The following CDH8 variants were observed in gnomAD, a reference collection of about 807,000 sequenced individuals.
CDH8 encodes cadherin-8.
Under a neutral mutation model 68.1 loss-of-function variants are expected in CDH8, and 17 were observed. The ratio of observed to expected loss-of-function variants is 0.25; its 90% CI spans 0.17 to 0.37. The LOEUF (loss-of-function observed/expected upper bound fraction) is 0.37, where lower values mean the gene tolerates loss of function less well. CDH8 is among the 10% of genes least tolerant of loss of function. The pLI is 1.00. For synonymous variants in CDH8, 372 were observed against 365.1 expected, an observed-to-expected ratio of 1.02 and a Z score of -0.21; for missense variants, 763 against 999.3, an observed-to-expected ratio of 0.76 and a Z score of 3.19.
At position 61,647,621 on chromosome 16, in the gene CDH8, G is replaced by T. The variant is rs959548568; in HGVS notation, c.*5987C>A. The T allele has an allele frequency of 7.2e-6, 4 of 558,008 alleles. No individual in the cohort carries two copies. The highest frequency in any genetic ancestry group is 6.4e-6 in the Non-Finnish European group (2 of 314,698). 34.6% of individuals were successfully genotyped at this position (558,008 alleles called of 1,614,324 possible). On this transcript the variant is annotated 3_prime_UTR_variant, in exon 12 of 12. Coordinates refer to ENST00000577390, the MANE Select transcript of CDH8 (RefSeq NM_001796.5). ...CCCAAGAAATTAACATTTGGCTTTG[G>T]GGGGTGATCCCAATGACTCCTAAAT...
At chr16:61,667,266 C>G (rs1175899105) in intron 10 of CDH8, 1 of 151,740 alleles carries the variant, frequency 6.6e-6, no homozygotes, top group East Asian at 1.9e-4. Flanking sequence ...TGTGGTATAT[C>G]TAGCCATAAA....
At chr16:61,849,524 C>G (rs1263542888) in intron 4 of CDH8, among the ~76,000 whole-genome samples, 2 of 152,114 alleles carry the variant, frequency 1.3e-5, no homozygotes, top group Admixed American at 1.3e-4. Context: ...CTCTCCACTC[C>G]TGGCTTCCCA....
chr16:61,702,434 G>C (rs7192376), intron 10 of CDH8, among the ~76,000 whole-genome samples: 93,806 of 152,040 alleles, frequency 0.62, 30,375 homozygotes, highest in African/African-American at 0.82. Context: ...TTCTTAATGA[G>C]TCAGTGTCAT....
chr16:61,856,691 T>C (rs959194129), intron 4 of CDH8, among the ~76,000 whole-genome samples: 1 of 152,158 alleles, frequency 6.6e-6, no homozygotes. Flanking sequence ...GTGTGTTTGG[T>C]ATTTATTGTT....
intron 8 of CDH8, 131 bp downstream of exon 8, chr16:61,789,215 T>C: frequency 1.4e-6 from 1 of 721,464 alleles, no homozygotes; most frequent in Non-Finnish European, 2.2e-6. Context: ...ATTCAAAGGC[T>C]CCTTGGGAAC....
chr16:61,690,505 C>T (rs913769057), intron 10 of CDH8, among the ~76,000 whole-genome samples: 1 of 152,002 alleles, frequency 6.6e-6, no homozygotes, highest in Non-Finnish European at 1.5e-5. Flanking sequence ...ATGATAAGAT[C>T]TTCAGGGTTT....
intron 3 of CDH8, among the ~76,000 whole-genome samples, chr16:61,861,132 G>A (rs1000117476): frequency 6.6e-6 from 1 of 152,132 alleles, no homozygotes; most frequent in African/African-American, 2.4e-5. Context: ...CTGAAAAACA[G>A]ACCCCTAATG....
chr16:61,682,553 C>T (rs1291464394), intron 10 of CDH8, among the ~76,000 whole-genome samples: 1 of 151,734 alleles, frequency 6.6e-6, no homozygotes, highest in Non-Finnish European at 1.5e-5. Flanking sequence ...ATTAGTATTC[C>T]CTCTTATAGT....
chr16:61,730,712 T>C (rs981487583), intron 8 of CDH8, among the ~76,000 whole-genome samples: 2 of 151,640 alleles, frequency 1.3e-5, no homozygotes, highest in Non-Finnish European at 3.0e-5. Flanking sequence ...TATCTATTTC[T>C]TTAGAAAAGT....
chr16:61,831,970 G>A (rs1223402147), intron 4 of CDH8, among the ~76,000 whole-genome samples: 4 of 151,698 alleles, frequency 2.6e-5, no homozygotes, highest in Non-Finnish European at 4.4e-5. Context: ...TTTTACTTAT[G>A]AGGTTAAGTG....
intron 10 of CDH8, among the ~76,000 whole-genome samples, chr16:61,706,620 C>CAAAAAAAAAAAAAAAAAAAAAAA (rs781148249): frequency 8.3e-5 from 5 of 60,402 alleles, no homozygotes; most frequent in African/African-American, 1.4e-4. Flanking sequence ...GACTCTGTCT[C>CAAAAAAAAAAAAAAAAAAAAAAA]AAAAAAAAAA....
intron 2 of CDH8, among the ~76,000 whole-genome samples, chr16:61,997,183 A>C (rs1483392837): frequency 6.6e-6 from 1 of 152,126 alleles, no homozygotes; most frequent in Admixed American, 6.6e-5. Flanking sequence ...CTCAGAGTCC[A>C]CTTTGCTGAT....
intron 3 of CDH8, among the ~76,000 whole-genome samples, chr16:61,889,226 T>C (rs1428579466): frequency 1.3e-5 from 2 of 152,168 alleles, no homozygotes; most frequent in African/African-American, 4.8e-5. Flanking sequence ...CAAATATATA[T>C]ATACATGTGA....
intron 8 of CDH8, among the ~76,000 whole-genome samples, chr16:61,753,165 T>C (rs1960215745): frequency 1.3e-5 from 2 of 152,164 alleles, no homozygotes; most frequent in South Asian, 4.1e-4. Flanking sequence ...ACATTCATAG[T>C]ATTTTATTCC....
chr16:61,703,280 A>G (rs541679912), intron 10 of CDH8, among the ~76,000 whole-genome samples: 1 of 152,230 alleles, frequency 6.6e-6, no homozygotes, highest in African/African-American at 2.4e-5. Context: ...ATAGGGAGAT[A>G]GTTTTTTCTT....
intron 10 of CDH8, among the ~76,000 whole-genome samples, chr16:61,668,215 G>A (rs1963718578): frequency 6.6e-6 from 1 of 151,902 alleles, no homozygotes; most frequent in Non-Finnish European, 1.5e-5. Context: ...GCATAACCAT[G>A]AATTAATTAT....
At chr16:61,982,370 C>G (rs1028876700) in intron 2 of CDH8, among the ~76,000 whole-genome samples, 1 of 152,132 alleles carries the variant, frequency 6.6e-6, no homozygotes, top group Non-Finnish European at 1.5e-5. Context: ...CAGGCGCCCG[C>G]CACCTCGCCC....
Position 61,857,243 on chromosome 16 carries a change from T to C in CDH8, c.548-5A>G. Reference sequence around the variant, plus strand: ...TGACGTTAGTGACAGATGTACCTAATAAAATAGAGAAAGAAAAAAGATAAT... The same window carrying C: ...TGACGTTAGTGACAGATGTACCTAACAAAATAGAGAAAGAAAAAAGATAAT... On this transcript the variant is annotated splice_region_variant and splice_polypyrimidine_tract_variant and intron_variant, in intron 3 of 11. Transcript: ENST00000577390. The C allele has an allele frequency of 1.9e-6, 3 of 1,609,322 alleles. No homozygotes were observed. The highest frequency in any genetic ancestry group is 1.7e-5 in the Admixed American group (1 of 59,780).
chr16:61,790,327 T>A (rs989513143), intron 7 of CDH8, among the ~76,000 whole-genome samples: 4 of 152,052 alleles, frequency 2.6e-5, no homozygotes, highest in Admixed American at 6.6e-5. Context: ...TTTATTAATA[T>A]CTTTTTTATA....
Sources: allele counts gnomAD v4.1 joint callset (sites outside exome capture counted in the v4.1 genomes callset), GRCh38; gene constraint gnomAD v4.1.1; transcripts MANE v1.5; gene names NCBI Gene and HGNC (gene_info 2026-07-23, HGNC 2026-07-21).